Variants in PCDHA5 observed in about 807,000 individuals in gnomAD.
PCDHA5 encodes protocadherin alpha-5.
PCDHA5 carries 43 observed loss-of-function variants against 61.6 expected under a neutral mutation model. The ratio of observed to expected loss-of-function variants is 0.70; its 90% confidence interval spans 0.55 to 0.90. The LOEUF (loss-of-function observed/expected upper bound fraction) is 0.90. PCDHA5 is among the 40% of genes least tolerant of loss of function. The pLI is 0.00. For missense variants in PCDHA5, 1,298 were observed against 1,222.7 expected (o/e 1.06, Z -0.92); for synonymous variants, 627 against 543.9 (o/e 1.15, Z -2.13).
At chr5:140,892,350 T>C (rs1195187313) in intron 1 of PCDHA5, among the ~76,000 whole-genome samples, 1 of 152,262 alleles carries the variant, frequency 6.6e-6, no homozygotes, top group Non-Finnish European at 1.5e-5. Context: ...AATTGACTTT[T>C]GCCAGGCATC....
intron 1 of PCDHA5, among the ~76,000 whole-genome samples, chr5:140,955,276 T>A (rs1485560412): frequency 6.6e-6 from 1 of 152,120 alleles, no homozygotes; most frequent in Non-Finnish European, 1.5e-5. Flanking sequence ...TTTGGTTCCA[T>A]ATTGATATGG....
In PCDHA5 at chr5:140,869,244, C is replaced by G. The variant is rs782454826; in HGVS notation, c.2352+45117C>G. 5.6e-6 allele frequency: 9 copies of G among 1,613,658 alleles called. 1 individual carries two copies. In the South Asian group the frequency reaches 7.7e-5, roughly 14 times the overall value. ...CCAAACACGGCACCTTCGTGGGCCG[C>G]ATCGCGCAGGACCTGGGGCTGGAGC... On this transcript the variant is annotated intron_variant, in intron 1 of 3. Coordinates refer to ENST00000529859, the MANE Select transcript of PCDHA5 (RefSeq NM_018908.3).
chr5:140,850,216 A>C lies in PCDHA5; in HGVS notation c.2352+26089A>C. 5 of 1,593,446 alleles carry C rather than the reference A, an allele frequency of 3.1e-6. No individual in the cohort carries two copies. The East Asian group carries it at 1.1e-4, about 36-fold the overall frequency. ...CTGACACCTCGGATGAGGGGCACTG[A>C]CGGCGCAGTGAGCGAGATGGTGCTG... On this transcript the variant is annotated intron_variant, in intron 1 of 3. Transcript: ENST00000529859.
At chr5:140,875,560 C>T (rs1554167756) in intron 1 of PCDHA5, 2 of 1,614,124 alleles carry the variant, frequency 1.2e-6, no homozygotes, top group Admixed American at 3.3e-5. Flanking sequence ...GGGGAGCGGC[C>T]AGCTCCACTA....
At chr5:140,836,236 C>G (rs2150256110) in intron 1 of PCDHA5, 11 of 1,613,794 alleles carry the variant, frequency 6.8e-6, no homozygotes, top group Middle Eastern at 1.6e-4. Context: ...GCGGCCGGTG[C>G]GAGCATCCCG....
chr5:140,988,062 A>G (rs1032842011), intron 3 of PCDHA5, among the ~76,000 whole-genome samples: 1 of 152,114 alleles, frequency 6.6e-6, no homozygotes, highest in Non-Finnish European at 1.5e-5. Context: ...GTCAACATGA[A>G]TTTTTCTATT....
intron 1 of PCDHA5, chr5:140,830,640 C>T (rs1455236504): frequency 8.1e-6 from 4 of 493,148 alleles, no homozygotes; most frequent in African/African-American, 4.1e-5. Flanking sequence ...AATCTCTTTG[C>T]TTCTTTAATA....
chr5:140,824,090 G>T lies in PCDHA5; in HGVS notation c.2315G>T (p.Ser772Ile), dbSNP rs2150132090. Residue 772 changes from serine to isoleucine, a missense_variant, in exon 1 of 4, where the codon AGT (serine) becomes ATT (isoleucine). Transcript: ENST00000529859. Reference sequence around the variant, plus strand: ...CCCAAAACAGACCTCATGGCCTTCAGTCCAAGCCTTCCTCAGGGTCCCACC... The same window carrying T: ...CCCAAAACAGACCTCATGGCCTTCATTCCAAGCCTTCCTCAGGGTCCCACC... The part of the protein sequence containing the change: ...APPKTDLMAF[S>I]PSLPQGPTST... 1.2e-6 allele frequency: 2 copies of T among 1,614,190 alleles called. No individual in the cohort carries two copies. The highest frequency in any genetic ancestry group is 4.5e-5 in the East Asian group (2 of 44,892).
intron 1 of PCDHA5, chr5:140,862,242 A>C (rs1297106167): frequency 4.7e-6 from 1 of 212,242 alleles, no homozygotes; most frequent in Non-Finnish European, 9.5e-6. Flanking sequence ...CATCAATGAT[A>C]GTGTTCCAGA....
At chr5:140,947,234 AAAAAT>A (rs1164220377) in intron 1 of PCDHA5, among the ~76,000 whole-genome samples, 3 of 151,602 alleles carry the variant, frequency 2.0e-5, no homozygotes, top group Non-Finnish European at 3.0e-5. Flanking sequence ...GACAGGAAAA[AAAAAT>A]AAGATAATCC....
At chr5:140,913,145 G>A (rs2076230074) in intron 1 of PCDHA5, among the ~76,000 whole-genome samples, 1 of 152,150 alleles carries the variant, frequency 6.6e-6, no homozygotes, top group Non-Finnish European at 1.5e-5. Context: ...TTTTGGAATA[G>A]TTTGAGTAGG....
At chr5:140,836,054 C>T in intron 1 of PCDHA5, 2 of 1,613,594 alleles carry the variant, frequency 1.2e-6, no homozygotes, top group Non-Finnish European at 1.7e-6. Flanking sequence ...TCGTGCTGGA[C>T]GAGAACGACA....
Position 140,823,086 on chromosome 5 carries a change from C to G in PCDHA5, c.1311C>G (p.Thr437=), listed in dbSNP as rs2150122075. Residue 437 remains threonine (T), a synonymous_variant, in exon 1 of 4, where the codon ACC becomes ACG. Coordinates refer to ENST00000529859, the MANE Select transcript of PCDHA5 (RefSeq NM_018908.3). The stretch of plus-strand genomic sequence containing the variant: ...GGGGCTCGCCTTCGCTGTGGGCCAC[C>G]GCCAGCGTGTCTGTGGAAGTGGCCG... ...RDGGSPSLWA[T]ASVSVEVADV... 43 of 1,613,882 alleles carry G rather than the reference C, an allele frequency of 2.7e-5. No homozygotes were observed. Among genetic ancestry groups the G allele is most frequent in the Middle Eastern group, 1.7e-4 (1 of 6,058 alleles).
chr5:140,835,688 G>A (rs2150241964), intron 1 of PCDHA5: 10 of 1,613,804 alleles, frequency 6.2e-6, no homozygotes, highest in Admixed American at 5.0e-5. Flanking sequence ...CGCCTTCTCT[G>A]TGGGCCACTG....
At chr5:140,978,491 C>T (rs550205477) in intron 1 of PCDHA5, among the ~76,000 whole-genome samples, 2 of 152,354 alleles carry the variant, frequency 1.3e-5, no homozygotes, top group African/African-American at 4.8e-5. Flanking sequence ...GCAAAGCCAG[C>T]AGCAGATTGC....
chr5:140,844,208 T>C (rs1779271586), intron 1 of PCDHA5, among the ~76,000 whole-genome samples: 1 of 149,848 alleles, frequency 6.7e-6, no homozygotes, highest in African/African-American at 2.4e-5. Context: ...TAGTGTCTGG[T>C]AGTCACAAAT....
chr5:140,825,450 CAG>C (rs1768582322), intron 1 of PCDHA5: 1 of 145,934 alleles, frequency 6.9e-6, no homozygotes, highest in Admixed American at 6.9e-5. Flanking sequence ...TAATATATAT[CAG>C]ATATTTTGAT....
At chr5:140,854,461 G>A (rs1581342351) in intron 1 of PCDHA5, 1 of 149,954 alleles carries the variant, frequency 6.7e-6, no homozygotes, top group East Asian at 1.9e-4. Context: ...AGGCATTCCA[G>A]AGGAGTAGAG....
In PCDHA5 at chr5:140,903,111, A is replaced by G. The variant is rs1002837275; in HGVS notation, c.2353-75838A>G. ...CATTGCTGGATCAAATAATAGCTCT[A>G]CTTCTAAATCTTTAAGAAATCTCCA... On this transcript the variant is annotated intron_variant, in intron 1 of 3. Transcript: ENST00000529859. Among the ~76,000 whole-genome samples, 13 of 152,306 alleles carry G rather than the reference A, an allele frequency of 8.5e-5. No individual in the cohort carries two copies. In the East Asian group the frequency reaches 2.5e-3, roughly 29 times the overall value.
Sources: gnomAD v4.1 joint callset for allele counts (sites outside exome capture counted in the v4.1 genomes callset) on GRCh38, gnomAD v4.1.1 for gene constraint, MANE v1.5 for transcripts, NCBI Gene and HGNC (gene_info 2026-07-23, HGNC 2026-07-21) for gene names.